The following MGMT variants were observed in gnomAD, a reference collection of about 807,000 sequenced individuals.
The protein encoded by MGMT is methylated-DNA--protein-cysteine methyltransferase.
MGMT carries 14 observed loss-of-function variants against 15.9 expected under a neutral mutation model. The observed-to-expected ratio is 0.88, with a 90% CI of 0.58 to 1.37. The LOEUF (loss-of-function observed/expected upper bound fraction) is 1.37, where lower values mean the gene tolerates loss of function less well. MGMT is among the 40% of genes most tolerant of loss of function. The probability of loss-of-function intolerance (pLI) is 0.00; values close to 1 mark genes in which losing one functional copy is unlikely to be tolerated. For missense variants in MGMT, 282 were observed against 268.1 expected, an observed-to-expected ratio of 1.05 and a Z score of -0.36; for synonymous variants, 130 against 118.2, an observed-to-expected ratio of 1.10 and a Z score of -0.65.
At chr10:129,525,282 A>G (rs59148795) in intron 1 of MGMT, among the ~76,000 whole-genome samples, 3,711 of 152,282 alleles carry the variant, frequency 0.024, 148 homozygotes, top group African/African-American at 0.084. Context: ...AGTTCAGAAA[A>G]GAAAACCAGA....
rs1845958220 is a variant in MGMT at position 129,533,864 on chromosome 10, G to A, written c.-12-2377G>A. ...TTGTGGCTCTGAGAAATGGAGATGG[G>A]AGAAGGGGAGGCAGTCACTTTGGAA... On this transcript the variant is annotated intron_variant, in intron 1 of 4. Transcript: ENST00000651593. This position sits in a 1 kb window ranked among gnomAD's most constrained non-coding sequence, Gnocchi z 4.5. Among the ~76,000 whole-genome samples, 1 of 152,180 alleles carries A rather than the reference G, an allele frequency of 6.6e-6. No homozygotes were observed. Among genetic ancestry groups the A allele is most frequent in the South Asian group, 2.1e-4 (1 of 4,828 alleles).
intron 1 of MGMT, among the ~76,000 whole-genome samples, chr10:129,480,063 G>A (rs1407829137): frequency 2.0e-5 from 3 of 152,166 alleles, no homozygotes; most frequent in Non-Finnish European, 4.4e-5. Context: ...AGGGAGGAAT[G>A]TTATCAGTTT....
chr10:129,597,642 G>T (rs1164155597), intron 2 of MGMT, among the ~76,000 whole-genome samples: 1 of 152,184 alleles, frequency 6.6e-6, no homozygotes, highest in African/African-American at 2.4e-5. Flanking sequence ...ACTGGGGTTA[G>T]CAAACAACAG....
chr10:129,641,878 T>C (rs932338402), intron 2 of MGMT, among the ~76,000 whole-genome samples: 9 of 152,214 alleles, frequency 5.9e-5, no homozygotes, highest in African/African-American at 9.6e-5. Flanking sequence ...TCTAATGTAA[T>C]GCTGAAAACA....
chr10:129,694,071 G>T (rs535060856), intron 2 of MGMT: 2 of 152,294 alleles, frequency 1.3e-5, no homozygotes, highest in African/African-American at 4.8e-5. Context: ...CCAAGATGGG[G>T]TGGGAGAAGC....
intron 3 of MGMT, among the ~76,000 whole-genome samples, chr10:129,739,151 A>G (rs894750285): frequency 6.6e-6 from 1 of 152,238 alleles, no homozygotes; most frequent in African/African-American, 2.4e-5. Flanking sequence ...GACGGAACGT[A>G]TCTCAAATAA....
At chr10:129,665,465 C>T (rs1310433306) in intron 2 of MGMT, among the ~76,000 whole-genome samples, 1 of 151,872 alleles carries the variant, frequency 6.6e-6, no homozygotes. Flanking sequence ...ACAATTGATA[C>T]ATACAACATC....
chr10:129,558,069 C>CA (rs1180071042), intron 2 of MGMT, among the ~76,000 whole-genome samples: 5 of 152,214 alleles, frequency 3.3e-5, no homozygotes, highest in Admixed American at 2.6e-4. Flanking sequence ...AACACCACAT[C>CA]ATCCCACGTG....
At chr10:129,561,495 C>T (rs1350876253) in intron 2 of MGMT, among the ~76,000 whole-genome samples, 1 of 152,188 alleles carries the variant, frequency 6.6e-6, no homozygotes, top group Admixed American at 6.5e-5. Context: ...GAAATAGAAG[C>T]TCAGAGAAGT....
At chr10:129,743,051 T>G (rs1354532911) in intron 3 of MGMT, among the ~76,000 whole-genome samples, 1 of 152,208 alleles carries the variant, frequency 6.6e-6, no homozygotes, top group Non-Finnish European at 1.5e-5. Context: ...TCCTACCACC[T>G]AATCACTGTC....
At chr10:129,658,891 A>G (rs1039110902) in intron 2 of MGMT, among the ~76,000 whole-genome samples, 1 of 152,120 alleles carries the variant, frequency 6.6e-6, no homozygotes, top group African/African-American at 2.4e-5. Context: ...AGGCTACTGT[A>G]AGCTGTAGCA....
At chr10:129,744,646 C>T (rs543552078) in intron 3 of MGMT, among the ~76,000 whole-genome samples, 6 of 152,340 alleles carry the variant, frequency 3.9e-5, no homozygotes, top group Non-Finnish European at 8.8e-5. Flanking sequence ...GGCTTTCCTG[C>T]GTGCCACGGA....
intron 2 of MGMT, among the ~76,000 whole-genome samples, chr10:129,679,563 G>T (rs777741536): frequency 7.9e-5 from 12 of 152,316 alleles, no homozygotes; most frequent in Non-Finnish European, 1.6e-4. Context: ...AAAAGTTTCT[G>T]TCTTGAATGA....
chr10:129,529,619 A>T (rs749595607), intron 1 of MGMT, among the ~76,000 whole-genome samples: 1 of 152,096 alleles, frequency 6.6e-6, no homozygotes, highest in Non-Finnish European at 1.5e-5. Context: ...GGAAGATGTG[A>T]TCTGATTTAC....
rs895541228 is a variant in MGMT, at chr10:129,732,143, G to A, written c.274+24100G>A. ...ACTCACATTGCCTGATATGTTGTGG[G>A]CTCCTCCTTTTTTAAATTTTTTTTA... is the stretch of plus-strand genomic sequence containing the variant. On this transcript the variant is annotated intron_variant, in intron 3 of 4. Coordinates refer to ENST00000651593, the MANE Select transcript of MGMT (RefSeq NM_002412.5). 2.3e-5 allele frequency among the ~76,000 whole-genome samples: 3 copies of A among 132,040 alleles called. No homozygotes were observed. The Admixed American group carries it at 2.6e-4, about 11-fold the overall frequency. The allele number at this position is 132,040 out of a possible 152,430, so 86.6% of individuals were successfully genotyped here.
At chr10:129,700,812 G>A (rs1379492872) in intron 2 of MGMT, 3 of 152,180 alleles carry the variant, frequency 2.0e-5, no homozygotes, top group African/African-American at 7.2e-5. Flanking sequence ...ATTAAATGCA[G>A]GACAAATCCA....
intron 2 of MGMT, among the ~76,000 whole-genome samples, chr10:129,650,492 G>C (rs1224673429): frequency 6.6e-6 from 1 of 152,198 alleles, no homozygotes; most frequent in Non-Finnish European, 1.5e-5. Context: ...CTCCGAAGGT[G>C]CCGGTACGTG....
At chr10:129,474,761 A>G (rs1406955247) in intron 1 of MGMT, among the ~76,000 whole-genome samples, 2 of 152,252 alleles carry the variant, frequency 1.3e-5, no homozygotes, top group South Asian at 2.1e-4. Context: ...CAAATTAGAA[A>G]TAGTGTGTGC....
chr10:129,687,233 CTT>C, intron 2 of MGMT, among the ~76,000 whole-genome samples: 2 of 97,908 alleles, frequency 2.0e-5, no homozygotes, highest in South Asian at 6.6e-4. Context: ...TAGGGATGAA[CTT>C]TTATTTCATT....
Sources: allele counts gnomAD v4.1 joint callset (sites outside exome capture counted in the v4.1 genomes callset), GRCh38; gene constraint gnomAD v4.1.1; non-coding constraint Gnocchi (gnomAD v3.1); transcripts MANE v1.5; gene names NCBI Gene and HGNC (gene_info 2026-07-23, HGNC 2026-07-21).